Variants in PLD3 observed in about 807,000 individuals in gnomAD.
PLD3 encodes the protein 5'-3' exonuclease PLD3.
A neutral mutation model predicts 58.4 loss-of-function variants in PLD3; 31 were observed. The observed-to-expected ratio is 0.53, with a 90% CI of 0.40 to 0.72. The LOEUF (loss-of-function observed/expected upper bound fraction) is 0.72, where lower values mean the gene tolerates loss of function less well. PLD3 is among the 30% of genes least tolerant of loss of function. The pLI is 0.00. For missense variants in PLD3, 595 were observed against 659.8 expected, an observed-to-expected ratio of 0.90 and a Z score of 1.08; for synonymous variants, 264 against 273.4, an observed-to-expected ratio of 0.97 and a Z score of 0.34.
intron 1 of PLD3, chr19:40,355,866 A>G (rs1267402108): frequency 1.3e-5 from 2 of 152,190 alleles, no homozygotes; most frequent in Non-Finnish European, 2.9e-5. Context: ...AGCAGCAAGC[A>G]CTGCCAGCTA....
At chr19:40,368,418 T>A (rs2145689284) in intron 6 of PLD3, among the ~76,000 whole-genome samples, 1 of 152,310 alleles carries the variant, frequency 6.6e-6, no homozygotes, top group Non-Finnish European at 1.5e-5. Context: ...TATATCCTGG[T>A]ATGGTCTGCA....
intron 1 of PLD3, among the ~76,000 whole-genome samples, chr19:40,352,014 A>G (rs28667591): frequency 0.19 from 28,726 of 152,116 alleles, 3,115 homozygotes; most frequent in African/African-American, 0.28. Flanking sequence ...GTTCACGCCT[A>G]TAATCCCAGC....
chr19:40,364,715 G>A (rs965743677), intron 1 of PLD3, among the ~76,000 whole-genome samples: 1 of 151,210 alleles, frequency 6.6e-6, no homozygotes, highest in African/African-American at 2.4e-5. Context: ...CGAATTGCTC[G>A]AACCAGGGAG....
At chr19:40,371,634 T>G (rs761783389) in intron 8 of PLD3, 39 bp from the exon 9 acceptor site, 7 of 1,448,352 alleles carry the variant, frequency 4.8e-6, no homozygotes, top group Middle Eastern at 1.8e-4. Context: ...CTGTGAGCAC[T>G]AGGCCGCTAT....
rs1420596427 is a variant in PLD3 at position 40,366,684 on chromosome 19, G to T, written c.102G>T (p.Lys34Asn). 4 of 1,609,614 alleles carry T rather than the reference G, an allele frequency of 2.5e-6. No individual in the cohort carries two copies. In the South Asian group the frequency reaches 3.3e-5, roughly 13 times the overall value. The change falls in exon 4 of 13, where the codon AAG (lysine) becomes AAT (asparagine). Residue 34 changes from lysine to asparagine, a missense_variant and splice_region_variant. Lys to Asn is a moderately conservative substitution (Grantham distance 94). Transcript: ENST00000409735. Reference sequence around the variant, plus strand: ...TTGAGGCGTGGAAGGCTGCGGAAAAGGTAGGAGCCCTCCGCCACCCTCGCT... The same window carrying T: ...TTGAGGCGTGGAAGGCTGCGGAAAATGTAGGAGCCCTCCGCCACCCTCGCT... ...NEIEAWKAAEKKARWVLLVLI... is the reference protein window; with the variant it reads ...NEIEAWKAAENKARWVLLVLI...
chr19:40,360,550 C>A (rs992318318), intron 1 of PLD3: 1 of 148,422 alleles, frequency 6.7e-6, no homozygotes, highest in Admixed American at 6.8e-5. Context: ...CACTGCACTC[C>A]AGCCTGGATA....
In PLD3 at chr19:40,377,781, C is replaced by A; in HGVS notation, c.1186-5C>A. 6.2e-7 allele frequency: 1 copy of A among 1,612,450 alleles called. No homozygotes were observed. Among genetic ancestry groups the A allele is most frequent in the Non-Finnish European group, 8.5e-7 (1 of 1,178,590 alleles). On this transcript the variant is annotated splice_polypyrimidine_tract_variant and splice_region_variant and intron_variant, in intron 11 of 12. Coordinates refer to ENST00000409735, the MANE Select transcript of PLD3 (RefSeq NM_012268.4). ...CACTCCTTCCCATCCTCCCCTCCCA[C>A]TCAGAAACTCTTTGTGGTCCCCGCG...
chr19:40,369,170 C>A (rs1039854886), intron 6 of PLD3, among the ~76,000 whole-genome samples: 17 of 151,956 alleles, frequency 1.1e-4, no homozygotes, highest in Non-Finnish European at 2.2e-4. Context: ...AGCTCCCACT[C>A]CCTGCTGGCT....
In PLD3 at chr19:40,378,373, G is replaced by A; in HGVS notation, c.*200G>A. On this transcript the variant is annotated 3_prime_UTR_variant, in exon 13 of 13. Transcript: ENST00000409735. ...CGGGACCCAGCAGAGCTGGGGGAGG[G>A]ATCAGCCCCCAAAGAAATGGGGGTG... 1.5e-6 allele frequency: 1 copy of A among 678,982 alleles called. No individual in the cohort carries two copies. The highest frequency in any genetic ancestry group is 2.6e-6 in the Non-Finnish European group (1 of 378,962). 42.1% of individuals were successfully genotyped at this position (678,982 alleles called of 1,614,324 possible). A position where few individuals can be genotyped will look rare whatever the true frequency, so the allele number is the denominator to read the frequency against.
At chr19:40,372,109 G>A (rs1464507472) in intron 9 of PLD3, among the ~76,000 whole-genome samples, 1 of 152,110 alleles carries the variant, frequency 6.6e-6, no homozygotes. Context: ...AGGTACCCTG[G>A]GTTCATGCAC....
chr19:40,364,501 A>T (rs75369472), intron 1 of PLD3, among the ~76,000 whole-genome samples: 1 of 150,924 alleles, frequency 6.6e-6, no homozygotes, highest in African/African-American at 2.4e-5. Context: ...AAAAAAAAAA[A>T]TTAGCTGCGG....
chr19:40,370,213 C>T lies in PLD3; in HGVS notation c.654C>T (p.Asn218=). The change falls in exon 8 of 13, where the codon AAC becomes AAT. Residue 218 remains asparagine (N), a synonymous_variant. Coordinates refer to ENST00000409735, the MANE Select transcript of PLD3 (RefSeq NM_012268.4). ...CCCACTTCTACCTGGGCAGTGCCAA[C>T]ATGGACTGGCGTTCACTGACCCAGG... The part of the protein sequence containing the change: ...DQTHFYLGSA[N]MDWRSLTQVK... The T allele has an allele frequency of 6.2e-7, 1 of 1,613,888 alleles. No individual in the cohort carries two copies. The highest frequency in any genetic ancestry group is 8.5e-7 in the Non-Finnish European group (1 of 1,179,886).
chr19:40,374,908 C>T, intron 10 of PLD3: 1 of 396,028 alleles, frequency 2.5e-6, no homozygotes, highest in South Asian at 2.6e-5. Flanking sequence ...GTAATCCCAA[C>T]ATTTTGCGGG....
chr19:40,376,355 C>CAA (rs759466553), intron 10 of PLD3: 14 of 315,370 alleles, frequency 4.4e-5, no homozygotes, highest in Admixed American at 1.5e-4. Flanking sequence ...AATTCCACCT[C>CAA]AAAAAAAAAA....
chr19:40,357,109 A>G (rs2145667466), intron 1 of PLD3: 1 of 152,346 alleles, frequency 6.6e-6, no homozygotes, highest in East Asian at 1.9e-4. Context: ...TTTTCTGTAG[A>G]CAATTGATGG....
chr19:40,366,883 C>G lies in PLD3; in HGVS notation c.213C>G (p.Asn71Lys). 3 of 1,612,614 alleles carry G rather than the reference C, an allele frequency of 1.9e-6. No homozygotes were observed. Among genetic ancestry groups the G allele is most frequent in the Non-Finnish European group, 2.5e-6 (3 of 1,179,200 alleles). Residue 71 changes from asparagine (N) to lysine (K), a missense_variant, in exon 5 of 13, where the codon AAC becomes AAG. Transcript: ENST00000409735. ...EYGDLHLFGP[N>K]QRPAPCYDPC... ...GCGACTTGCATCTCTTTGGGCCCAACCAGCGCCCAGCCCCCTGCTATGACC... is the reference window on the plus strand; with the variant it reads ...GCGACTTGCATCTCTTTGGGCCCAAGCAGCGCCCAGCCCCCTGCTATGACC...
intron 10 of PLD3, 174 bp downstream of exon 10, chr19:40,374,794 A>G: frequency 1.6e-6 from 1 of 643,334 alleles, no homozygotes; most frequent in Non-Finnish European, 2.7e-6. Context: ...GGCACTTGAG[A>G]CAGGAGAAAG....
At chr19:40,361,279 T>A (rs1012641341) in intron 1 of PLD3, among the ~76,000 whole-genome samples, 1 of 152,086 alleles carries the variant, frequency 6.6e-6, no homozygotes, top group East Asian at 1.9e-4. Flanking sequence ...GCCCAGCTAA[T>A]TTTTTATTTT....
rs1480294108 is a variant in PLD3 at position 40,367,798 on chromosome 19, G to A, written c.348G>A (p.Ala116=). Residue 116 remains alanine (A), a synonymous_variant, in exon 6 of 13, where the codon GCG becomes GCA. Coordinates refer to ENST00000409735, the MANE Select transcript of PLD3 (RefSeq NM_012268.4). The part of the protein sequence containing the change: ...SQAWLGLLAG[A]HSSLDIASFY... ...CCTGGCTGGGCCTGCTCGCCGGTGC[G>A]CACAGCAGCCTGGACATCGCCTCCT... is the stretch of plus-strand genomic sequence containing the variant. 6.2e-6 allele frequency: 10 copies of A among 1,610,032 alleles called. No homozygotes were observed. The highest frequency in any genetic ancestry group is 1.7e-5 in the Admixed American group (1 of 59,596).
Sources: gnomAD v4.1 joint callset for allele counts (sites outside exome capture counted in the v4.1 genomes callset) on GRCh38, gnomAD v4.1.1 for gene constraint, MANE v1.5 for transcripts, NCBI Gene and HGNC (gene_info 2026-07-23, HGNC 2026-07-21) for gene names.